ARMH4: variants seen among roughly 807,000 people sequenced by gnomAD.
ARMH4 encodes the protein armadillo like helical domain containing 4.
In ARMH4, 49 loss-of-function variants were observed where a neutral mutation model predicts 61.9. The ratio of observed to expected loss-of-function variants is 0.79; its 90% confidence interval spans 0.63 to 1.00. The LOEUF (loss-of-function observed/expected upper bound fraction) is 1.00, where lower values mean the gene tolerates loss of function less well. Among genes scored for constraint, ARMH4 ranks in the 50% least tolerant of loss-of-function variants. ARMH4 has a pLI of 0.00. For missense variants in ARMH4, 934 were observed against 930.0 expected (o/e 1.00, Z -0.06); for synonymous variants, 368 against 341.5 (o/e 1.08, Z -0.85).
At chr14:58,114,427 C>A (rs1360454256) in intron 4 of ARMH4, among the ~76,000 whole-genome samples, 11 of 152,132 alleles carry the variant, frequency 7.2e-5, no homozygotes, top group Non-Finnish European at 1.6e-4. Context: ...AGCCAGAAAG[C>A]ACAATCCTTG....
intron 5 of ARMH4, among the ~76,000 whole-genome samples, chr14:58,025,417 C>T (rs1882988537): frequency 6.6e-6 from 1 of 152,106 alleles, no homozygotes; most frequent in African/African-American, 2.4e-5. Flanking sequence ...TTCAATATCA[C>T]ATCTTTCAAG....
chr14:58,063,313 A>G (rs1306927041), intron 5 of ARMH4, among the ~76,000 whole-genome samples: 1 of 152,184 alleles, frequency 6.6e-6, no homozygotes, highest in Non-Finnish European at 1.5e-5. Flanking sequence ...TAATGACCCC[A>G]TCTTAACTTG....
chr14:58,118,049 C>T (rs1323871339), intron 4 of ARMH4, among the ~76,000 whole-genome samples: 2 of 152,170 alleles, frequency 1.3e-5, no homozygotes, highest in African/African-American at 4.8e-5. Flanking sequence ...AGCCGTTTTC[C>T]ACTCACTTAT....
At chr14:58,148,267 G>A (rs1566605930) in intron 1 of ARMH4, among the ~76,000 whole-genome samples, 4 of 152,108 alleles carry the variant, frequency 2.6e-5, no homozygotes, top group African/African-American at 7.2e-5. Context: ...GGCTGGTCTC[G>A]AACTCTTGGC....
intron 5 of ARMH4, among the ~76,000 whole-genome samples, chr14:58,026,224 T>G (rs1883015056): frequency 6.6e-6 from 1 of 152,154 alleles, no homozygotes; most frequent in Admixed American, 6.5e-5. Context: ...TCCCTCAATG[T>G]GTCTTCCTTT....
chr14:58,122,124 T>A (rs750593324), intron 4 of ARMH4, among the ~76,000 whole-genome samples: 1 of 152,034 alleles, frequency 6.6e-6, no homozygotes, highest in Non-Finnish European at 1.5e-5. Flanking sequence ...TAACACAGAG[T>A]GAACATTCAT....
At chr14:58,028,834 C>T (rs1270510303) in intron 5 of ARMH4, among the ~76,000 whole-genome samples, 2 of 152,200 alleles carry the variant, frequency 1.3e-5, no homozygotes, top group Non-Finnish European at 2.9e-5. Flanking sequence ...TAGAAATCCA[C>T]AGTCACTCAG....
intron 5 of ARMH4, among the ~76,000 whole-genome samples, chr14:58,036,168 C>T (rs1434889737): frequency 4.2e-5 from 4 of 94,836 alleles, no homozygotes; most frequent in Non-Finnish European, 4.5e-5. Flanking sequence ...ACCGGCAAAC[C>T]GAATCCAGCA....
At chr14:58,117,508 T>C (rs1886569594) in intron 4 of ARMH4, among the ~76,000 whole-genome samples, 1 of 152,204 alleles carries the variant, frequency 6.6e-6, no homozygotes, top group Non-Finnish European at 1.5e-5. Flanking sequence ...TGTGGAAATA[T>C]GCATTTGTTT....
chr14:58,134,612 C>T (rs1463318122), intron 2 of ARMH4, among the ~76,000 whole-genome samples: 1 of 152,052 alleles, frequency 6.6e-6, no homozygotes, highest in African/African-American at 2.4e-5. Flanking sequence ...GTAAGTTATA[C>T]AATGAAAAAT....
At chr14:58,087,378 G>C (rs1236333081) in intron 5 of ARMH4, among the ~76,000 whole-genome samples, 1 of 152,108 alleles carries the variant, frequency 6.6e-6, no homozygotes, top group Non-Finnish European at 1.5e-5. Flanking sequence ...AACATCCTCA[G>C]GGAGGCTTTT....
intron 5 of ARMH4, among the ~76,000 whole-genome samples, chr14:58,081,686 T>C (rs1219790051): frequency 1.3e-5 from 2 of 151,420 alleles, no homozygotes; most frequent in Admixed American, 6.6e-5. Flanking sequence ...TATTTTTTAG[T>C]GAAGATGGGG....
intron 5 of ARMH4, among the ~76,000 whole-genome samples, chr14:58,088,955 G>A (rs142321172): frequency 1.3e-5 from 2 of 152,274 alleles, no homozygotes; most frequent in African/African-American, 2.4e-5. Context: ...GGCACAACCA[G>A]TAGATTCGGT....
intron 5 of ARMH4, among the ~76,000 whole-genome samples, chr14:58,029,450 T>G (rs1472035612): frequency 1.3e-5 from 2 of 152,138 alleles, no homozygotes; most frequent in African/African-American, 4.8e-5. Context: ...GTCAGGCTGG[T>G]CTCGAACTCC....
intron 5 of ARMH4, among the ~76,000 whole-genome samples, chr14:58,072,837 G>A (rs749194860): frequency 1.3e-5 from 2 of 152,162 alleles, no homozygotes; most frequent in Non-Finnish European, 2.9e-5. Flanking sequence ...GGTGGTGCCT[G>A]AGACAAGACC....
chr14:58,054,083 A>G (rs1055408879), intron 5 of ARMH4, among the ~76,000 whole-genome samples: 1 of 152,204 alleles, frequency 6.6e-6, no homozygotes, highest in African/African-American at 2.4e-5. Context: ...TACACATGAG[A>G]AAACTAACAC....
chr14:58,139,727 C>T (rs1325891130), intron 1 of ARMH4, among the ~76,000 whole-genome samples: 3 of 152,194 alleles, frequency 2.0e-5, no homozygotes, highest in African/African-American at 7.2e-5. Context: ...ATATTCTCTC[C>T]AAATTCCTCT....
intron 5 of ARMH4, among the ~76,000 whole-genome samples, chr14:58,093,256 T>G (rs1037520998): frequency 6.6e-6 from 1 of 152,178 alleles, no homozygotes; most frequent in Non-Finnish European, 1.5e-5. Context: ...TATCTCTTCA[T>G]AGCAGCATGA....
chr14:58,014,388 C>T (rs1395790362), intron 5 of ARMH4, among the ~76,000 whole-genome samples: 1 of 151,978 alleles, frequency 6.6e-6, no homozygotes, highest in Non-Finnish European at 1.5e-5. Flanking sequence ...GGAGTGGTTC[C>T]GTGGAGAAGT....
Sources: gnomAD v4.1 joint callset for allele counts (sites outside exome capture counted in the v4.1 genomes callset) on GRCh38, gnomAD v4.1.1 for gene constraint, MANE v1.5 for transcripts, NCBI Gene and HGNC (gene_info 2026-07-23, HGNC 2026-07-21) for gene names.